The following IBTK variants were observed in gnomAD, a reference collection of about 807,000 sequenced individuals.
The protein encoded by IBTK is inhibitor of Bruton tyrosine kinase, also known as BTK-binding protein.
IBTK carries 83 observed loss-of-function variants against 154.9 expected under a neutral mutation model. That is an observed-to-expected ratio of 0.54 (90% CI 0.45 to 0.64). The LOEUF is 0.64. Ranked by LOEUF, IBTK falls within the 30% of genes least tolerant of loss-of-function variation. IBTK has a pLI of 0.00. For synonymous variants in IBTK, 515 were observed against 536.1 expected (o/e 0.96, Z 0.54); for missense variants, 1,332 against 1,584.6 (o/e 0.84, Z 2.71).
intron 25 of IBTK, among the ~76,000 whole-genome samples, chr6:82,188,362 C>G (rs1270506324): frequency 6.6e-6 from 1 of 151,964 alleles, no homozygotes; most frequent in African/African-American, 2.4e-5. Flanking sequence ...TAAGATTCAT[C>G]CACACTGTTG....
Position 82,217,980 on chromosome 6 carries a change from C to A in IBTK, c.1406G>T (p.Arg469Ile), listed in dbSNP as rs774178754. The change falls in exon 10 of 29, where the codon AGA becomes ATA. Residue 469 changes from arginine (R) to isoleucine (I), a missense_variant. This residue lies in a region of IBTK where 1,134 missense variants were observed against 1,274.7 expected (regional missense o/e 0.89). Coordinates refer to ENST00000306270, the MANE Select transcript of IBTK (RefSeq NM_015525.4). ...CTGACCTTTCTTTTCAGAACTCTTT[C>A]TTTTCTCTTCAAACCATCTCCCTCT... The part of the protein sequence containing the change: ...GFRGRWFEEK[R>I]KSSEKKEILS... 2 of 1,598,882 alleles carry A rather than the reference C, an allele frequency of 1.3e-6. No homozygotes were observed. The highest frequency in any genetic ancestry group is 1.7e-6 in the Non-Finnish European group (2 of 1,174,794).
chr6:82,191,430 A>C, intron 24 of IBTK: 1 of 571,514 alleles, frequency 1.7e-6, no homozygotes, highest in Non-Finnish European at 3.1e-6. Flanking sequence ...GTTTATACTA[A>C]CAATGATCAA....
intron 2 of IBTK, among the ~76,000 whole-genome samples, chr6:82,234,499 C>T (rs890836890): frequency 7.2e-5 from 11 of 151,754 alleles, no homozygotes; most frequent in African/African-American, 2.2e-4. Flanking sequence ...CCACCACGCC[C>T]GGCTAATTTT....
chr6:82,218,222 T>C, intron 9 of IBTK, 85 bp from the exon 10 acceptor site: 1 of 955,982 alleles, frequency 1.0e-6, no homozygotes, highest in Non-Finnish European at 1.4e-6. Context: ...CAAGAGACAA[T>C]GCTGTTAAAA....
chr6:82,220,975 C>CACACACACAT (rs1170015278), intron 8 of IBTK, among the ~76,000 whole-genome samples: 5 of 151,266 alleles, frequency 3.3e-5, no homozygotes, highest in Non-Finnish European at 7.4e-5. Flanking sequence ...CACACACACA[C>CACACACACAT]ACACATTAAA....
chr6:82,239,703 T>C (rs1014001111), intron 2 of IBTK, among the ~76,000 whole-genome samples: 2 of 147,260 alleles, frequency 1.4e-5, no homozygotes, highest in Non-Finnish European at 3.0e-5. Flanking sequence ...ATATTTTCTT[T>C]GTCTTTATTC....
At chr6:82,235,896 C>T (rs142009566) in intron 2 of IBTK, among the ~76,000 whole-genome samples, 3,131 of 152,060 alleles carry the variant, frequency 0.021, 51 homozygotes, top group Non-Finnish European at 0.036. Flanking sequence ...TTTTTTGAGA[C>T]GGAGTCTTGC....
In IBTK at chr6:82,170,114, T is replaced by G. The variant is rs1287055562; in HGVS notation, c.*1311A>C. 2 of 152,276 alleles carry G rather than the reference T, an allele frequency of 1.3e-5. No individual in the cohort carries two copies. The highest frequency in any genetic ancestry group is 4.8e-5 in the African/African-American group (2 of 41,462). 9.4% of individuals were successfully genotyped at this position (152,276 alleles called of 1,614,324 possible). A position where few individuals can be genotyped will look rare whatever the true frequency, so the allele number is the denominator to read the frequency against. ...AGAAAACTGCCTTTTTAAATCCGTC[T>G]TAGAATAAATACAGCATCAACTTAA... On this transcript the variant is annotated 3_prime_UTR_variant, in exon 29 of 29. Coordinates refer to ENST00000306270, the MANE Select transcript of IBTK (RefSeq NM_015525.4).
chr6:82,223,386 T>C, intron 8 of IBTK, 54 bp downstream of exon 8: 1 of 1,396,766 alleles, frequency 7.2e-7, no homozygotes, highest in South Asian at 1.4e-5. Context: ...AGATATTTGC[T>C]GGAAGAGTTG....
At chr6:82,199,969 T>C (rs151006664) in intron 21 of IBTK, among the ~76,000 whole-genome samples, 172 bp downstream of exon 21, 5 of 152,288 alleles carry the variant, frequency 3.3e-5, no homozygotes, top group African/African-American at 1.2e-4. Context: ...TCAGATTAGT[T>C]TGAGTACCTC....
chr6:82,191,549 T>C (rs1372538713), intron 24 of IBTK: 14 of 592,248 alleles, frequency 2.4e-5, no homozygotes, highest in Admixed American at 8.5e-5. Flanking sequence ...ATGATCATTT[T>C]AGAGTCAAGT....
chr6:82,243,190 G>A (rs557150215), intron 1 of IBTK, among the ~76,000 whole-genome samples: 5 of 149,804 alleles, frequency 3.3e-5, no homozygotes, highest in South Asian at 2.1e-4. Context: ...GCAGTGAGCC[G>A]AGATCGTGCC....
At chr6:82,205,404 T>G (rs1040876769) in intron 16 of IBTK, 39 of 152,352 alleles carry the variant, frequency 2.6e-4, no homozygotes, top group African/African-American at 8.7e-4. Context: ...GCTCTTATGC[T>G]TTCTTATTTA....
chr6:82,236,256 C>T (rs1192942452), intron 2 of IBTK, among the ~76,000 whole-genome samples: 1 of 152,158 alleles, frequency 6.6e-6, no homozygotes, highest in Admixed American at 6.5e-5. Flanking sequence ...AGAAGGGATT[C>T]TGTCTTGTTC....
At chr6:82,190,574 T>C (rs1314505225) in intron 25 of IBTK, among the ~76,000 whole-genome samples, 3 of 152,078 alleles carry the variant, frequency 2.0e-5, no homozygotes, top group Admixed American at 6.6e-5. Flanking sequence ...AAACACAACA[T>C]TAAGTAAGGA....
chr6:82,229,301 C>T (rs935060815), intron 4 of IBTK, among the ~76,000 whole-genome samples: 2 of 152,140 alleles, frequency 1.3e-5, no homozygotes, highest in Non-Finnish European at 2.9e-5. Context: ...AGTTCACTCA[C>T]AACCCTGGCA....
At chr6:82,173,522 T>A in intron 26 of IBTK, 84 bp from the exon 27 acceptor site, 1 of 1,069,368 alleles carries the variant, frequency 9.4e-7, no homozygotes, top group South Asian at 1.4e-5. Flanking sequence ...GAGGAAGAAT[T>A]GTAAACTCCT....
chr6:82,177,857 C>T (rs995819466), intron 26 of IBTK, among the ~76,000 whole-genome samples: 13 of 152,010 alleles, frequency 8.6e-5, no homozygotes, highest in Non-Finnish European at 1.5e-4. Context: ...GCCCTTGTAT[C>T]GTAATTTCAT....
At chr6:82,192,423 A>G (rs753749266) in intron 23 of IBTK, among the ~76,000 whole-genome samples, 16 of 152,206 alleles carry the variant, frequency 1.1e-4, no homozygotes, top group Non-Finnish European at 2.2e-4. Flanking sequence ...AAGTTATACC[A>G]TAATGACAAA....
Sources: gnomAD v4.1 joint callset for allele counts (sites outside exome capture counted in the v4.1 genomes callset) on GRCh38, gnomAD v4.1.1 for gene constraint, gnomAD v4.1.1 regional missense constraint, MANE v1.5 for transcripts, NCBI Gene and HGNC (gene_info 2026-07-23, HGNC 2026-07-21) for gene names.